Variants in TTC1 observed in about 807,000 individuals in gnomAD.
TTC1 encodes the protein tetratricopeptide repeat domain 1.
Under a neutral mutation model 37.6 loss-of-function variants are expected in TTC1, and 31 were observed. The observed-to-expected ratio is 0.82, with a 90% CI of 0.62 to 1.11. The LOEUF is 1.11. Ranked by LOEUF, TTC1 falls within the 50% of genes most tolerant of loss-of-function variation. The probability of loss-of-function intolerance (pLI) is 0.00; values close to 1 mark genes in which losing one functional copy is unlikely to be tolerated. For synonymous variants in TTC1, 127 were observed against 122.4 expected, an observed-to-expected ratio of 1.04 and a Z score of -0.25; for missense variants, 351 against 339.0, an observed-to-expected ratio of 1.04 and a Z score of -0.28.
At chr5:160,052,325 G>A (rs766062974) in intron 7 of TTC1, among the ~76,000 whole-genome samples, 24 of 152,076 alleles carry the variant, frequency 1.6e-4, no homozygotes, top group Non-Finnish European at 3.2e-4. Flanking sequence ...GCAACATGGT[G>A]AAACCCCATC....
chr5:160,021,174 A>G (rs1459927614), intron 2 of TTC1, among the ~76,000 whole-genome samples: 1 of 152,188 alleles, frequency 6.6e-6, no homozygotes, highest in Non-Finnish European at 1.5e-5. Context: ...GAAGTGTCTG[A>G]CACCACACAC....
At chr5:160,031,952 C>T (rs1459456387) in intron 2 of TTC1, among the ~76,000 whole-genome samples, 1 of 152,212 alleles carries the variant, frequency 6.6e-6, no homozygotes, top group African/African-American at 2.4e-5. Flanking sequence ...TATGGTGCCA[C>T]TGCACTCCAG....
At chr5:160,050,003 G>A (rs923477839) in intron 6 of TTC1, among the ~76,000 whole-genome samples, 3 of 152,150 alleles carry the variant, frequency 2.0e-5, no homozygotes, top group African/African-American at 7.2e-5. Flanking sequence ...AACCCAGAAG[G>A]CAGAGGTTGC....
chr5:160,065,002 A>G lies in TTC1; in HGVS notation c.816A>G (p.Lys272=). ...FGLSTENFQI[K]QDSSTGSYSI... Reference sequence around the variant, plus strand: ...TCTCCACGGAAAATTTCCAGATCAAACAGGATTCCTCTACCGGCTCGTACT... The same window carrying G: ...TCTCCACGGAAAATTTCCAGATCAAGCAGGATTCCTCTACCGGCTCGTACT... The change falls in exon 8 of 8, where the codon AAA becomes AAG. Residue 272 remains lysine (K), a synonymous_variant. Coordinates refer to ENST00000231238, the MANE Select transcript of TTC1 (RefSeq NM_003314.3). The G allele has an allele frequency of 1.2e-6, 2 of 1,614,114 alleles. No homozygotes were observed. Among genetic ancestry groups the G allele is most frequent in the Non-Finnish European group, 1.7e-6 (2 of 1,180,012 alleles).
rs1757586633 is a variant in TTC1, at chr5:160,057,955, T to C, written c.745+6772T>C. 6.6e-6 allele frequency among the ~76,000 whole-genome samples: 1 copy of C among 152,200 alleles called. No individual in the cohort carries two copies. Among genetic ancestry groups the C allele is most frequent in the South Asian group, 2.1e-4 (1 of 4,838 alleles). The stretch of plus-strand genomic sequence containing the variant: ...GCTAATTTTTCTATTTTTGTAGAGA[T>C]GGGTTTTCACCATGTTGGCCAGGCT... On this transcript the variant is annotated intron_variant, in intron 7 of 7. Coordinates refer to ENST00000231238, the MANE Select transcript of TTC1 (RefSeq NM_003314.3). The surrounding 1 kb of genome is among the most constrained non-coding windows in gnomAD (Gnocchi z 4.4).
Position 160,064,996 on chromosome 5 carries a change from G to C in TTC1, c.810G>C (p.Gln270His), listed in dbSNP as rs776425696. The change falls in exon 8 of 8, where the codon CAG becomes CAC. Residue 270 changes from glutamine to histidine, a missense_variant. Gln to His is a conservative substitution (Grantham distance 24, BLOSUM62 0). Transcript: ENST00000231238. ...RPFGLSTENFQIKQDSSTGSY... is the reference protein window; with the variant it reads ...RPFGLSTENFHIKQDSSTGSY... ...TTGGGCTCTCCACGGAAAATTTCCA[G>C]ATCAAACAGGATTCCTCTACCGGCT... The C allele has an allele frequency of 9.9e-6, 16 of 1,613,976 alleles. No individual in the cohort carries two copies. Among genetic ancestry groups the C allele is most frequent in the Non-Finnish European group, 1.4e-5 (16 of 1,180,028 alleles).
At chr5:160,045,520 A>ACACACACACT (rs1202139318) in intron 5 of TTC1, among the ~76,000 whole-genome samples, 17 of 54,900 alleles carry the variant, frequency 3.1e-4, no homozygotes, top group South Asian at 7.8e-4. Flanking sequence ...ACACATACAC[A>ACACACACACT]CTCTCTCTCT....
intron 2 of TTC1, among the ~76,000 whole-genome samples, chr5:160,014,928 T>C (rs2113342042): frequency 6.6e-6 from 1 of 152,334 alleles, no homozygotes; most frequent in Middle Eastern, 3.4e-3. Flanking sequence ...TATTTGGTCT[T>C]TGTCCCTGGT....
At chr5:160,013,920 T>C (rs762303642) in intron 2 of TTC1, among the ~76,000 whole-genome samples, 1 of 152,180 alleles carries the variant, frequency 6.6e-6, no homozygotes, top group African/African-American at 2.4e-5. Context: ...TTTCTTTAGA[T>C]AGGGCTATCA....
At chr5:160,032,191 A>G (rs368394329) in intron 2 of TTC1, among the ~76,000 whole-genome samples, 4 of 152,200 alleles carry the variant, frequency 2.6e-5, no homozygotes, top group South Asian at 2.1e-4. Context: ...TAATCCGGCA[A>G]TCTGATTGAT....
chr5:160,023,699 C>T, intron 2 of TTC1: 1 of 1,555,666 alleles, frequency 6.4e-7, no homozygotes, highest in South Asian at 1.1e-5. Context: ...CAAGGCATGT[C>T]ACATGTTGCC....
intron 6 of TTC1, 128 bp downstream of exon 6, chr5:160,049,790 A>G (rs1053098056): frequency 1.2e-6 from 1 of 849,878 alleles, no homozygotes; most frequent in Non-Finnish European, 1.7e-6. Flanking sequence ...ATCAAGATAT[A>G]TGGGAGGCCA....
At chr5:160,029,061 G>T (rs765050602) in intron 2 of TTC1, among the ~76,000 whole-genome samples, 4 of 152,132 alleles carry the variant, frequency 2.6e-5, no homozygotes, top group Admixed American at 2.6e-4. Flanking sequence ...TGTTGGTAAT[G>T]ATATTTGTAT....
At chr5:160,040,516 CTT>C (rs1373905076) in intron 4 of TTC1, among the ~76,000 whole-genome samples, 1 of 152,016 alleles carries the variant, frequency 6.6e-6, no homozygotes, top group East Asian at 1.9e-4. Flanking sequence ...TTTTTAAACT[CTT>C]TTATAATAAC....
intron 7 of TTC1, among the ~76,000 whole-genome samples, chr5:160,053,702 G>C (rs1757469606): frequency 6.6e-6 from 1 of 152,194 alleles, no homozygotes; most frequent in East Asian, 1.9e-4. Flanking sequence ...TTTCTGTGAA[G>C]AATGTCATTG....
intron 6 of TTC1, among the ~76,000 whole-genome samples, chr5:160,050,842 T>C (rs1757383023): frequency 6.6e-6 from 1 of 152,022 alleles, no homozygotes; most frequent in South Asian, 2.1e-4. Context: ...CCCAAGGTGG[T>C]CTCAAACTCC....
intron 4 of TTC1, among the ~76,000 whole-genome samples, chr5:160,041,512 C>T (rs1757092435): frequency 1.3e-5 from 2 of 151,888 alleles, no homozygotes; most frequent in South Asian, 4.2e-4. Flanking sequence ...GGGGTTTCAC[C>T]ATGTTAGCCA....
intron 7 of TTC1, among the ~76,000 whole-genome samples, chr5:160,052,365 A>G (rs1757423177): frequency 6.6e-6 from 1 of 151,996 alleles, no homozygotes; most frequent in Non-Finnish European, 1.5e-5. Context: ...GCATGGTGGC[A>G]TGTGCCTGCC....
At chr5:160,023,660 A>G in intron 2 of TTC1, 1 of 1,239,540 alleles carries the variant, frequency 8.1e-7, no homozygotes, top group Non-Finnish European at 1.2e-6. Flanking sequence ...TTCCAAATAC[A>G]AGGCTCAATG....
Sources: allele counts gnomAD v4.1 joint callset (sites outside exome capture counted in the v4.1 genomes callset), GRCh38; gene constraint gnomAD v4.1.1; non-coding constraint Gnocchi (gnomAD v3.1); transcripts MANE v1.5; gene names NCBI Gene and HGNC (gene_info 2026-07-23, HGNC 2026-07-21).